The following CYB5A variants were observed in gnomAD, a reference collection of about 807,000 sequenced individuals.
CYB5A encodes cytochrome b5 type A.
CYB5A carries 10 observed loss-of-function variants against 16.2 expected under a neutral mutation model. The ratio of observed to expected loss-of-function variants is 0.62; its 90% CI spans 0.38 to 1.04. CYB5A has a LOEUF of 1.04. Among genes scored for constraint, CYB5A ranks in the 50% least tolerant of loss-of-function variants. CYB5A has a pLI of 0.01. For synonymous variants in CYB5A, 62 were observed against 57.0 expected (o/e 1.09, Z -0.40); for missense variants, 161 against 165.9 (o/e 0.97, Z 0.16).
intron 1 of CYB5A, among the ~76,000 whole-genome samples, chr18:74,282,559 GA>G (rs1983158810): frequency 6.6e-6 from 1 of 152,208 alleles, no homozygotes; most frequent in South Asian, 2.1e-4. Flanking sequence ...TCATCGCGTG[GA>G]AAAAGCAGCA....
At chr18:74,290,012 T>C (rs1229829180) in intron 1 of CYB5A, among the ~76,000 whole-genome samples, 1 of 152,210 alleles carries the variant, frequency 6.6e-6, no homozygotes, top group East Asian at 1.9e-4. Context: ...CTACTTCTTC[T>C]ATAAGCACAA....
At chr18:74,253,755 G>A (rs1489998293) in intron 4 of CYB5A, 90 bp from the exon 5 acceptor site, 1 of 900,624 alleles carries the variant, frequency 1.1e-6, no homozygotes, top group East Asian at 2.6e-5. Context: ...AATTACCAGG[G>A]CATGTTTTTC....
intron 1 of CYB5A, among the ~76,000 whole-genome samples, chr18:74,275,315 T>C (rs1982827931): frequency 6.6e-6 from 1 of 152,160 alleles, no homozygotes; most frequent in Non-Finnish European, 1.5e-5. Flanking sequence ...GTGGTTAAAC[T>C]CTGGCTCATG....
intron 1 of CYB5A, among the ~76,000 whole-genome samples, chr18:74,278,390 C>T (rs927061185): frequency 1.3e-5 from 2 of 152,200 alleles, no homozygotes; most frequent in Non-Finnish European, 2.9e-5. Context: ...AAGAGATGTT[C>T]GAGAAAGATC....
At chr18:74,263,123 G>C (rs2145047727) in intron 2 of CYB5A, among the ~76,000 whole-genome samples, 1 of 150,466 alleles carries the variant, frequency 6.6e-6, no homozygotes, top group East Asian at 1.9e-4. Context: ...ACTCCAGCCT[G>C]GGTGACAGAG....
intron 1 of CYB5A, among the ~76,000 whole-genome samples, chr18:74,268,832 T>G (rs2145057343): frequency 6.6e-6 from 1 of 152,286 alleles, no homozygotes; most frequent in Middle Eastern, 3.4e-3. Context: ...CTAAACCACT[T>G]ACTGGAACTC....
chr18:74,261,049 C>A, intron 2 of CYB5A, 105 bp from the exon 3 acceptor site: 1 of 877,892 alleles, frequency 1.1e-6, no homozygotes, highest in Non-Finnish European at 1.9e-6. Context: ...TCAGTAATTA[C>A]CATTTCAGAT....
chr18:74,284,847 G>A (rs993188947), intron 1 of CYB5A, among the ~76,000 whole-genome samples: 1 of 152,148 alleles, frequency 6.6e-6, no homozygotes, highest in Non-Finnish European at 1.5e-5. Context: ...ACGGATGTAA[G>A]AAAGTAACTT....
intron 1 of CYB5A, among the ~76,000 whole-genome samples, chr18:74,288,209 G>A (rs576393912): frequency 1.3e-5 from 2 of 152,314 alleles, no homozygotes; most frequent in African/African-American, 4.8e-5. Context: ...GCACCTGTGA[G>A]CTTCAACCTG....
intron 3 of CYB5A, chr18:74,256,795 G>C: frequency 1.2e-6 from 2 of 1,608,772 alleles, no homozygotes; most frequent in Non-Finnish European, 8.5e-7. Context: ...CCCTTTCAGG[G>C]AAAAGCAAGC....
At chr18:74,260,312 C>T (rs1982150089) in intron 3 of CYB5A, 1 of 161,474 alleles carries the variant, frequency 6.2e-6, no homozygotes, top group Admixed American at 6.1e-5. Context: ...TGTGCTCTTC[C>T]ATTCTCACCC....
Position 74,263,478 on chromosome 18 carries a change from C to T in CYB5A, c.130-1G>A. ...TTAAAACTTCTTCCCCACCAGGATG[C>T]TGTTCAAAGGAGAGGTAGAATAAAA... On this transcript the variant is annotated splice_acceptor_variant, in intron 1 of 4. Transcript: ENST00000340533. LOFTEE classifies it high-confidence loss of function. 1 of 1,614,068 alleles carries T rather than the reference C, an allele frequency of 6.2e-7. No individual in the cohort carries two copies. Among genetic ancestry groups the T allele is most frequent in the Non-Finnish European group, 8.5e-7 (1 of 1,179,968 alleles).
chr18:74,281,868 G>A (rs910054188), intron 1 of CYB5A, among the ~76,000 whole-genome samples: 3 of 151,648 alleles, frequency 2.0e-5, no homozygotes, highest in African/African-American at 7.3e-5. Context: ...GAAAACAGCA[G>A]GAACACTGAT....
At chr18:74,257,769 T>A (rs988233227) in intron 3 of CYB5A, 39 of 152,162 alleles carry the variant, frequency 2.6e-4, no homozygotes, top group African/African-American at 8.9e-4. Flanking sequence ...AATACAAAAA[T>A]TAGCTGGGCA....
intron 1 of CYB5A, among the ~76,000 whole-genome samples, chr18:74,268,885 C>T (rs1982556317): frequency 6.6e-6 from 1 of 152,138 alleles, no homozygotes. Flanking sequence ...ATGCCTCCCA[C>T]AGGCTTTTGC....
chr18:74,267,147 A>T (rs1423534153), intron 1 of CYB5A, among the ~76,000 whole-genome samples: 1 of 151,870 alleles, frequency 6.6e-6, no homozygotes, highest in Admixed American at 6.6e-5. Flanking sequence ...AGCAATTTTA[A>T]TAAGCACACA....
At position 74,253,171 on chromosome 18, in the gene CYB5A, T is replaced by A. The variant is rs1471755833; in HGVS notation, c.*413A>T. On this transcript the variant is annotated 3_prime_UTR_variant, in exon 5 of 5. Transcript: ENST00000340533. Reference sequence around the variant, plus strand: ...ATGTGAAAGGAGACACTCAAACCTATTTCCCGCACCTCCAGTCATATGGCC... The same window carrying A: ...ATGTGAAAGGAGACACTCAAACCTAATTCCCGCACCTCCAGTCATATGGCC... 1 of 242,532 alleles carries A rather than the reference T, an allele frequency of 4.1e-6. No individual in the cohort carries two copies. The highest frequency in any genetic ancestry group is 2.3e-5 in the African/African-American group (1 of 43,030). 15.0% of individuals were successfully genotyped at this position (242,532 alleles called of 1,614,324 possible).
At chr18:74,288,087 T>C (rs533862416) in intron 1 of CYB5A, among the ~76,000 whole-genome samples, 1 of 152,374 alleles carries the variant, frequency 6.6e-6, no homozygotes, top group South Asian at 2.1e-4. Context: ...CCTGCTGCTA[T>C]GTCGACTGCC....
At chr18:74,265,510 G>A (rs962459515) in intron 1 of CYB5A, among the ~76,000 whole-genome samples, 9 of 152,174 alleles carry the variant, frequency 5.9e-5, no homozygotes, top group Admixed American at 5.2e-4. Context: ...TATGTGTCTG[G>A]CACATCGTTT....
Sources: allele counts gnomAD v4.1 joint callset (sites outside exome capture counted in the v4.1 genomes callset), GRCh38; gene constraint gnomAD v4.1.1; transcripts MANE v1.5; gene names NCBI Gene and HGNC (gene_info 2026-07-23, HGNC 2026-07-21).